The following MGAT4A variants were observed in gnomAD, a reference collection of about 807,000 sequenced individuals.
MGAT4A encodes the protein N-acetylglucosaminyltransferase IVa.
Under a neutral mutation model 74.1 loss-of-function variants are expected in MGAT4A, and 33 were observed. That is an observed-to-expected ratio of 0.45 (90% CI 0.34 to 0.60). The LOEUF (loss-of-function observed/expected upper bound fraction) is 0.60, where lower values mean the gene tolerates loss of function less well. MGAT4A is among the 20% of genes least tolerant of loss of function. The probability of loss-of-function intolerance (pLI) is 0.02; values close to 1 mark genes in which losing one functional copy is unlikely to be tolerated. For synonymous variants in MGAT4A, 198 were observed against 210.4 expected (o/e 0.94, Z 0.51); for missense variants, 479 against 628.3 (o/e 0.76, Z 2.54).
chr2:98,638,499 TATC>T (rs1345013461), intron 12 of MGAT4A, among the ~76,000 whole-genome samples: 1 of 152,250 alleles, frequency 6.6e-6, no homozygotes, highest in Non-Finnish European at 1.5e-5. Flanking sequence ...TGCGTGGCAA[TATC>T]ATTTTATTTA....
chr2:98,628,757 A>G (rs1001705916), intron 14 of MGAT4A, among the ~76,000 whole-genome samples: 2 of 152,202 alleles, frequency 1.3e-5, no homozygotes, highest in African/African-American at 4.8e-5. Context: ...TGTTTTGATG[A>G]TGGATAAGTA....
chr2:98,683,780 AATGCTTCC>A (rs1702094705), intron 2 of MGAT4A, among the ~76,000 whole-genome samples: 1 of 152,164 alleles, frequency 6.6e-6, no homozygotes, highest in Non-Finnish European at 1.5e-5. Flanking sequence ...CTAATTCTAA[AATGCTTCC>A]CTGCTTTGAG....
chr2:98,720,041 C>A (rs1281607456), intron 2 of MGAT4A, among the ~76,000 whole-genome samples: 1 of 152,090 alleles, frequency 6.6e-6, no homozygotes, highest in Non-Finnish European at 1.5e-5. Flanking sequence ...GAAGGTATGA[C>A]AAAGTGGCAT....
At chr2:98,700,891 C>CAA (rs199625081) in intron 2 of MGAT4A, among the ~76,000 whole-genome samples, 41 of 65,150 alleles carry the variant, frequency 6.3e-4, no homozygotes, top group African/African-American at 1.5e-3. Context: ...GACTCTGTCT[C>CAA]AAAAAAAAAA....
At chr2:98,686,113 T>C (rs1171278192) in intron 2 of MGAT4A, among the ~76,000 whole-genome samples, 1 of 152,114 alleles carries the variant, frequency 6.6e-6, no homozygotes, top group Non-Finnish European at 1.5e-5. Flanking sequence ...AAAGGTCTCT[T>C]ACATGGCATT....
At chr2:98,682,408 G>C (rs531066373) in intron 2 of MGAT4A, among the ~76,000 whole-genome samples, 102 of 122,448 alleles carry the variant, frequency 8.3e-4, no homozygotes, top group Non-Finnish European at 1.4e-3. Flanking sequence ...GGCAACAAGA[G>C]TGGAATTCCA....
chr2:98,681,635 A>C (rs1702061210), intron 2 of MGAT4A, among the ~76,000 whole-genome samples: 1 of 152,104 alleles, frequency 6.6e-6, no homozygotes, highest in Admixed American at 6.5e-5. Context: ...CTGGTTTCTC[A>C]ACACCATTTG....
At chr2:98,650,904 C>T (rs1252762175) in intron 8 of MGAT4A, among the ~76,000 whole-genome samples, 3 of 151,884 alleles carry the variant, frequency 2.0e-5, no homozygotes, top group African/African-American at 4.8e-5. Flanking sequence ...GCCGAGATCG[C>T]GCCACTGCAC....
rs70940122 is a variant in MGAT4A, at chr2:98,677,801, ATTTTT to A, written c.262+498_262+502del. Among the ~76,000 whole-genome samples the A allele has an allele frequency of 9.6e-3, 1,170 of 121,328 alleles. 13 individuals carry two copies. The highest frequency in any genetic ancestry group is 0.035 in the African/African-American group (1,125 of 32,430). The allele number at this position is 121,328 out of a possible 152,430, so 79.6% of individuals were successfully genotyped here. On this transcript the variant is annotated intron_variant, in intron 3 of 15. Transcript: ENST00000393487. The stretch of plus-strand genomic sequence containing the variant: ...TAAAATCAGATTTAGCAGGTAATAA[ATTTTT>A]TTTTTTTTTTTTTTTTTGTAATTTA...
At chr2:98,656,097 C>T in intron 7 of MGAT4A, 1 of 393,224 alleles carries the variant, frequency 2.5e-6, no homozygotes, top group Non-Finnish European at 4.5e-6. Context: ...TCCTGGTAGC[C>T]TACAGAAACA....
chr2:98,664,895 T>A (rs1255508973), intron 4 of MGAT4A, among the ~76,000 whole-genome samples: 1 of 152,226 alleles, frequency 6.6e-6, no homozygotes, highest in Non-Finnish European at 1.5e-5. Flanking sequence ...TATTTCAAAG[T>A]AAATTTTTAA....
intron 14 of MGAT4A, among the ~76,000 whole-genome samples, chr2:98,629,128 T>G (rs1288552729): frequency 1.3e-5 from 2 of 152,224 alleles, no homozygotes; most frequent in Non-Finnish European, 2.9e-5. Context: ...GATCACAGAC[T>G]ATTCAAAAAC....
chr2:98,695,985 T>C (rs544068614), intron 2 of MGAT4A, among the ~76,000 whole-genome samples: 2 of 151,614 alleles, frequency 1.3e-5, no homozygotes, highest in South Asian at 4.2e-4. Context: ...CTCAAGAGAT[T>C]CTCCTCCCAC....
intron 2 of MGAT4A, among the ~76,000 whole-genome samples, chr2:98,700,605 T>C (rs941679993): frequency 1.1e-4 from 16 of 152,112 alleles, no homozygotes; most frequent in Admixed American, 9.8e-4. Context: ...GTCTATTACA[T>C]GTTGGCTGGG....
At chr2:98,719,254 G>A (rs1490542666) in intron 2 of MGAT4A, among the ~76,000 whole-genome samples, 1 of 151,816 alleles carries the variant, frequency 6.6e-6, no homozygotes, top group African/African-American at 2.4e-5. Context: ...ATTATAGGTG[G>A]AAAAGAAAAA....
At chr2:98,639,604 A>G (rs776547299) in intron 12 of MGAT4A, among the ~76,000 whole-genome samples, 8 of 152,212 alleles carry the variant, frequency 5.3e-5, no homozygotes, top group Non-Finnish European at 1.0e-4. Context: ...GAAGTTCACC[A>G]AACGTGTTAA....
chr2:98,664,200 CAAAAAAAAAAAAAAAAAAAAAA>C (rs57981145), intron 4 of MGAT4A, among the ~76,000 whole-genome samples: 1 of 51,488 alleles, frequency 1.9e-5, no homozygotes, highest in Non-Finnish European at 3.6e-5. Flanking sequence ...GATTCCATCT[CAAAAAAAAAAAAAAAAAAAAAA>C]AAAAAAAAAG....
At chr2:98,664,795 T>G (rs1244869812) in intron 4 of MGAT4A, among the ~76,000 whole-genome samples, 2 of 152,166 alleles carry the variant, frequency 1.3e-5, no homozygotes, top group Non-Finnish European at 2.9e-5. Context: ...AGTGTTTGAG[T>G]GTTGTGATCC....
chr2:98,630,600 A>C lies in MGAT4A; in HGVS notation c.1468+4622T>G, dbSNP rs192342153. 1.8e-3 allele frequency among the ~76,000 whole-genome samples: 277 copies of C among 152,252 alleles called. 3 individuals are homozygous for C. Among genetic ancestry groups the C allele is most frequent in the African/African-American group, 6.4e-3 (268 of 41,554 alleles). On this transcript the variant is annotated intron_variant, in intron 14 of 15. Coordinates refer to ENST00000393487, the MANE Select transcript of MGAT4A (RefSeq NM_012214.3). ...ATTATTATTATTAAAATATTTTTAA[A>C]TGTTCATGTTCCATACGTACATAGG... is the stretch of plus-strand genomic sequence containing the variant.
Sources: allele counts gnomAD v4.1 joint callset (sites outside exome capture counted in the v4.1 genomes callset), GRCh38; gene constraint gnomAD v4.1.1; transcripts MANE v1.5; gene names NCBI Gene and HGNC (gene_info 2026-07-23, HGNC 2026-07-21).